ARHGAP32: variants seen among roughly 807,000 people sequenced by gnomAD.
The protein encoded by ARHGAP32 is rho GTPase-activating protein 32.
A neutral mutation model predicts 186.5 loss-of-function variants in ARHGAP32; 51 were observed. That is an observed-to-expected ratio of 0.27 (90% CI 0.22 to 0.35). The LOEUF is 0.35. Among genes scored for constraint, ARHGAP32 ranks in the 10% least tolerant of loss-of-function variants. ARHGAP32 has a pLI of 1.00. For missense variants in ARHGAP32, 2,186 were observed against 2,623.5 expected (o/e 0.83, Z 3.64); for synonymous variants, 950 against 964.3 (o/e 0.99, Z 0.27).
intron 1 of ARHGAP32, among the ~76,000 whole-genome samples, chr11:129,204,277 T>C (rs1944490499): frequency 6.6e-6 from 1 of 152,030 alleles, no homozygotes. Flanking sequence ...ATGTTAATGA[T>C]ACTGCAAATA....
At chr11:129,277,527 C>A (rs1945547471) in intron 1 of ARHGAP32, among the ~76,000 whole-genome samples, 1 of 152,216 alleles carries the variant, frequency 6.6e-6, no homozygotes, top group Non-Finnish European at 1.5e-5. Flanking sequence ...CCCTGTCACC[C>A]ACCTCAATGT....
At chr11:129,077,185 A>G (rs765907151) in intron 6 of ARHGAP32, among the ~76,000 whole-genome samples, 2 of 152,184 alleles carry the variant, frequency 1.3e-5, no homozygotes, top group African/African-American at 2.4e-5. Context: ...TTTGGGAGGG[A>G]TGCCAGTGGA....
Position 128,980,735 on chromosome 11 carries a change from C to G in ARHGAP32, c.1794G>C (p.Arg598Ser), listed in dbSNP as rs1478480479. 9 of 1,605,442 alleles carry G rather than the reference C, an allele frequency of 5.6e-6. No individual in the cohort carries two copies. The highest frequency in any genetic ancestry group is 1.7e-4 in the Middle Eastern group (1 of 6,030). ...AMQEGAASLS[R>S]PKSLLVSSPS... Reference sequence around the variant, plus strand: ...GAGAGGATACCAGGAGGGACTTGGGCCTTGATAGAGAAGCTTCAAAAAGAA... The same window carrying G: ...GAGAGGATACCAGGAGGGACTTGGGGCTTGATAGAGAAGCTTCAAAAAGAA... Residue 598 changes from arginine (R) to serine (S), a missense_variant, in exon 18 of 23, where the codon AGG becomes AGC. Transcript: ENST00000682385.
intron 1 of ARHGAP32, among the ~76,000 whole-genome samples, chr11:129,262,669 T>C (rs1025968019): frequency 4.6e-5 from 7 of 152,086 alleles, no homozygotes; most frequent in Non-Finnish European, 1.0e-4. Flanking sequence ...AGTGCTGGGA[T>C]TACAGACACG....
intron 11 of ARHGAP32, among the ~76,000 whole-genome samples, chr11:128,999,048 G>C (rs1280256694): frequency 6.6e-6 from 1 of 152,220 alleles, no homozygotes; most frequent in African/African-American, 2.4e-5. Context: ...CAATTTTCAG[G>C]GAACAAGGGA....
chr11:129,041,856 A>C (rs1463377504), intron 10 of ARHGAP32, among the ~76,000 whole-genome samples: 1 of 152,218 alleles, frequency 6.6e-6, no homozygotes, highest in Non-Finnish European at 1.5e-5. Flanking sequence ...CCTTAGATAA[A>C]AATATAAATG....
rs527638955 is a variant in ARHGAP32, at chr11:129,182,494, T to C, written c.116+9589A>G. 8.5e-5 allele frequency among the ~76,000 whole-genome samples: 13 copies of C among 152,072 alleles called. No homozygotes were observed. The East Asian group carries it at 2.5e-3, about 29-fold the overall frequency. On this transcript the variant is annotated intron_variant, in intron 1 of 22. Coordinates refer to ENST00000682385, the MANE Select transcript of ARHGAP32 (RefSeq NM_001378024.1). The stretch of plus-strand genomic sequence containing the variant: ...GATGTTTTATATATTGTAATGTAGA[T>C]ATTTTATGTAATGTAGATGTTTTTT...
chr11:129,106,454 A>G (rs913260102), intron 5 of ARHGAP32, among the ~76,000 whole-genome samples: 4 of 152,178 alleles, frequency 2.6e-5, no homozygotes, highest in African/African-American at 9.7e-5. Context: ...TCTCACTCAT[A>G]AGTCGGAGCT....
chr11:129,226,394 T>G lies in ARHGAP32; in HGVS notation c.-5+52752A>C, dbSNP rs566579386. 8.6e-4 allele frequency among the ~76,000 whole-genome samples: 131 copies of G among 152,122 alleles called. 1 individual carries two copies. The highest frequency in any genetic ancestry group is 3.1e-3 in the African/African-American group (127 of 41,508). On this transcript the variant is annotated intron_variant, in intron 1 of 6. Transcript: ENST00000525234. ...AAAGTGACACATCACATACAAGGGA[T>G]CCTCCATAAGATTAACAGCTGGTTT...
At position 129,037,559 on chromosome 11, in the gene ARHGAP32, T is replaced by A. The variant is rs138292404; in HGVS notation, c.1045+3369A>T. Among the ~76,000 whole-genome samples the A allele has an allele frequency of 2.0e-3, 311 of 152,054 alleles. 7 individuals are homozygous for A. In the East Asian group the frequency reaches 0.052, roughly 25 times the overall value. ...ATGAAAAACATCCCTTGTTCAGGGA[T>A]TAGAAGACTTAATACTGTTAATAAT... On this transcript the variant is annotated intron_variant, in intron 11 of 22. Coordinates refer to ENST00000682385, the MANE Select transcript of ARHGAP32 (RefSeq NM_001378024.1).
intron 5 of ARHGAP32, among the ~76,000 whole-genome samples, chr11:129,117,079 A>C (rs1233241172): frequency 6.6e-6 from 1 of 151,962 alleles, no homozygotes; most frequent in African/African-American, 2.4e-5. Flanking sequence ...TTAACCTTCA[A>C]CTACATTAAA....
At chr11:129,111,434 TCTCTC>T (rs1413020860) in intron 5 of ARHGAP32, among the ~76,000 whole-genome samples, 1 of 152,206 alleles carries the variant, frequency 6.6e-6, no homozygotes, top group Non-Finnish European at 1.5e-5. Context: ...TAGGGAGAAT[TCTCTC>T]CTCTTCAATT....
chr11:129,170,383 A>G (rs932095293), intron 1 of ARHGAP32, among the ~76,000 whole-genome samples: 5 of 150,188 alleles, frequency 3.3e-5, no homozygotes, highest in African/African-American at 4.9e-5. Context: ...CTCTGTGTCC[A>G]CCTGTTCTCA....
chr11:129,052,807 T>G (rs1042698518), intron 10 of ARHGAP32, among the ~76,000 whole-genome samples: 13 of 152,296 alleles, frequency 8.5e-5, no homozygotes, highest in Non-Finnish European at 1.9e-4. Flanking sequence ...TTTCCTTTTA[T>G]TTCTCCTTTA....
intron 1 of ARHGAP32, among the ~76,000 whole-genome samples, chr11:129,226,027 A>G (rs953844693): frequency 6.6e-6 from 1 of 152,168 alleles, no homozygotes; most frequent in Non-Finnish European, 1.5e-5. Context: ...AAATTCTTCA[A>G]ATATGAAGAT....
chr11:129,243,821 C>T (rs954774396), intron 1 of ARHGAP32, among the ~76,000 whole-genome samples: 11 of 152,194 alleles, frequency 7.2e-5, no homozygotes, highest in Non-Finnish European at 1.3e-4. Context: ...TCATCTTCTC[C>T]ACCCCCACAA....
chr11:129,091,314 G>C (rs1941572547), intron 6 of ARHGAP32, among the ~76,000 whole-genome samples: 1 of 152,016 alleles, frequency 6.6e-6, no homozygotes. Context: ...CTCCCTTAGG[G>C]GCTCTAGATT....
At chr11:129,161,826 A>T (rs969686440) in intron 2 of ARHGAP32, among the ~76,000 whole-genome samples, 4 of 152,184 alleles carry the variant, frequency 2.6e-5, no homozygotes, top group Non-Finnish European at 5.9e-5. Context: ...AAATCATTCT[A>T]CTATAAAGAC....
At chr11:129,013,149 AAG>A (rs1385145033) in intron 11 of ARHGAP32, among the ~76,000 whole-genome samples, 3 of 152,346 alleles carry the variant, frequency 2.0e-5, no homozygotes, top group African/African-American at 7.2e-5. Flanking sequence ...GCAATTAAGT[AAG>A]AGTTGCAACA....
Sources: gnomAD v4.1 joint callset for allele counts (sites outside exome capture counted in the v4.1 genomes callset) on GRCh38, gnomAD v4.1.1 for gene constraint, MANE v1.5 for transcripts, NCBI Gene and HGNC (gene_info 2026-07-23, HGNC 2026-07-21) for gene names.